FLNC: variants seen among roughly 807,000 people sequenced by gnomAD.
FLNC encodes the protein filamin-C.
Under a neutral mutation model 254.3 loss-of-function variants are expected in FLNC, and 91 were observed. The observed-to-expected ratio is 0.36, with a 90% confidence interval of 0.30 to 0.43. FLNC has a LOEUF of 0.43. Ranked by LOEUF, FLNC falls within the 20% of genes least tolerant of loss-of-function variation. The probability of loss-of-function intolerance (pLI) is 1.00; values close to 1 mark genes in which losing one functional copy is unlikely to be tolerated. For synonymous variants in FLNC, 1,430 were observed against 1,577.2 expected (o/e 0.91, Z 2.21); for missense variants, 2,853 against 3,802.6 (o/e 0.75, Z 6.57).
chr7:128,832,495 T>TTCAGCGGCCCC (rs1807933033), intron 1 of FLNC, among the ~76,000 whole-genome samples: 1 of 152,146 alleles, frequency 6.6e-6, no homozygotes, highest in Admixed American at 6.5e-5. Context: ...GCAAGACATA[T>TTCAGCGGCCCC]AGGAAACCGC....
rs575979368 is a variant in FLNC, at chr7:128,858,843, G to A, written c.*320G>A. ...GCCAGGGAAGCCCTGAGTTTCTGGCGGGGCTGAGCAGTGGGGGAGCATTGT... is the reference window on the plus strand; with the variant it reads ...GCCAGGGAAGCCCTGAGTTTCTGGCAGGGCTGAGCAGTGGGGGAGCATTGT... On this transcript the variant is annotated 3_prime_UTR_variant, in exon 48 of 48. Transcript: ENST00000325888. The surrounding 1 kb of genome is among the most constrained non-coding windows in gnomAD (Gnocchi z 6.7). 1.1e-5 allele frequency: 5 copies of A among 450,342 alleles called. No homozygotes were observed. The highest frequency in any genetic ancestry group is 3.5e-5 in the Admixed American group (1 of 28,866). 27.9% of individuals were successfully genotyped at this position (450,342 alleles called of 1,614,324 possible).
chr7:128,850,873 G>C lies in FLNC; in HGVS notation c.5469G>C (p.Thr1823=), dbSNP rs550620019. Residue 1823 remains threonine (T), a synonymous_variant, in exon 33 of 48, where the codon ACG becomes ACC. Transcript: ENST00000325888. ...CCGACAACAAGGACGGCACCATCAC[G>C]GTGAGGTATGCACCCACTGAGAAAG... The part of the protein sequence containing the change: ...NITDNKDGTI[T]VRYAPTEKGL... 2.5e-5 allele frequency: 40 copies of C among 1,613,562 alleles called. No individual in the cohort carries two copies. Among genetic ancestry groups the C allele is most frequent in the Non-Finnish European group, 3.1e-5 (36 of 1,179,990 alleles).
At position 128,852,771 on chromosome 7, in the gene FLNC, G is replaced by A. The variant is rs12530507; in HGVS notation, c.6004+19G>A. 26,849 of 1,613,312 alleles carry A rather than the reference G, an allele frequency of 0.017. 283 individuals carry two copies. Among genetic ancestry groups the A allele is most frequent in the Non-Finnish European group, 0.02 (23,969 of 1,179,764 alleles). ...CACATTGGTGAGCGTGGGGCCTCACGGGGACCTCAGGGGTGGGGGCCCACA... is the reference window on the plus strand; with the variant it reads ...CACATTGGTGAGCGTGGGGCCTCACAGGGACCTCAGGGGTGGGGGCCCACA... On this transcript the variant is annotated intron_variant, in intron 36 of 47. Transcript: ENST00000325888.
chr7:128,842,171 CCAGCAGAGG>C lies in FLNC; in HGVS notation c.2122-59_2122-51del. The C allele has an allele frequency of 6.4e-7, 1 of 1,572,680 alleles. No individual in the cohort carries two copies. The highest frequency in any genetic ancestry group is 1.4e-5 in the African/African-American group (1 of 74,034). ...AAGGAGGCGCTGGGTTCACCTGCGG[CCAGCAGAGG>C]GCGCTCTGCAGAGGCCACAGCTATG... On this transcript the variant is annotated intron_variant, in intron 13 of 47. Transcript: ENST00000325888. The surrounding 1 kb of genome is among the most constrained non-coding windows in gnomAD (Gnocchi z 5.4).
At chr7:128,850,316 C>T in intron 31 of FLNC, 68 bp from the exon 32 acceptor site, 1 of 1,300,612 alleles carries the variant, frequency 7.7e-7, no homozygotes, top group Non-Finnish European at 1.1e-6. Flanking sequence ...TCTCCAGCTT[C>T]AGTCATAGCA....
At chr7:128,847,131 C>T (rs1253461968) in intron 24 of FLNC, among the ~76,000 whole-genome samples, 1 of 152,256 alleles carries the variant, frequency 6.6e-6, no homozygotes, top group Non-Finnish European at 1.5e-5. Flanking sequence ...ACTCTGGCCT[C>T]CTAGCCCCTT....
Position 128,838,438 on chromosome 7 carries a change from G to A in FLNC, c.1210+9G>A. The A allele has an allele frequency of 6.2e-7, 1 of 1,613,688 alleles. No homozygotes were observed. Among genetic ancestry groups the A allele is most frequent in the Non-Finnish European group, 8.5e-7 (1 of 1,179,982 alleles). ...TGACATCTACACTGCGGGTAGGACG[G>A]GCCCCAGGGGGTGCAGGTGGAAAGC... On this transcript the variant is annotated intron_variant, in intron 7 of 47. Transcript: ENST00000325888.
rs989891820 is a variant in FLNC at position 128,856,099 on chromosome 7, T to A, written c.7252-419T>A. ...CAGAGCCCTTCTGTGCTTCTTCTGGTCCTCCCTGTTGGTCCACCTTCTCCA... is the reference window on the plus strand; with the variant it reads ...CAGAGCCCTTCTGTGCTTCTTCTGGACCTCCCTGTTGGTCCACCTTCTCCA... On this transcript the variant is annotated intron_variant, in intron 43 of 47. Transcript: ENST00000325888. The surrounding 1 kb of genome is among the most constrained non-coding windows in gnomAD (Gnocchi z 5.9). 1.3e-5 allele frequency among the ~76,000 whole-genome samples: 2 copies of A among 152,092 alleles called. No homozygotes were observed. Among genetic ancestry groups the A allele is most frequent in the Non-Finnish European group, 2.9e-5 (2 of 68,010 alleles).
In FLNC at chr7:128,857,828, C is replaced by T. The variant is rs1487918337; in HGVS notation, c.7781-180C>T. ...GGAGCACCAGTTGGAGCTGGCAGCT[C>T]AGGGCCCTGGCTGGGAATGAGGCTG... On this transcript the variant is annotated intron_variant, in intron 46 of 47. Coordinates refer to ENST00000325888, the MANE Select transcript of FLNC (RefSeq NM_001458.5). This position sits in a 1 kb window ranked among gnomAD's most constrained non-coding sequence, Gnocchi z 4.5. Among the ~76,000 whole-genome samples, 1 of 152,176 alleles carries T rather than the reference C, an allele frequency of 6.6e-6. No individual in the cohort carries two copies. Among genetic ancestry groups the T allele is most frequent in the Non-Finnish European group, 1.5e-5 (1 of 68,038 alleles).
In FLNC at chr7:128,842,736, G is replaced by A. The variant is rs1808389596; in HGVS notation, c.2389+38G>A. 4.4e-6 allele frequency: 7 copies of A among 1,588,812 alleles called. No individual in the cohort carries two copies. The highest frequency in any genetic ancestry group is 1.8e-5 in the Admixed American group (1 of 55,940). Reference sequence around the variant, plus strand: ...GGAAGGGGTGGGTCTGGGAGGGGGCGGGGGTGAGTCGAGTCGGGGGCTGAG... The same window carrying A: ...GGAAGGGGTGGGTCTGGGAGGGGGCAGGGGTGAGTCGAGTCGGGGGCTGAG... On this transcript the variant is annotated intron_variant, in intron 15 of 47. Coordinates refer to ENST00000325888, the MANE Select transcript of FLNC (RefSeq NM_001458.5). The surrounding 1 kb of genome is among the most constrained non-coding windows in gnomAD (Gnocchi z 5.4).
chr7:128,840,188 G>T, intron 9 of FLNC, 28 bp downstream of exon 9: 1 of 1,612,250 alleles, frequency 6.2e-7, no homozygotes, highest in Non-Finnish European at 8.5e-7. Flanking sequence ...GGGTCGTGAG[G>T]GTGGGGCTGG....
At position 128,842,783 on chromosome 7, in the gene FLNC, C is replaced by G; in HGVS notation, c.2390-11C>G. 1 of 1,613,228 alleles carries G rather than the reference C, an allele frequency of 6.2e-7. No homozygotes were observed. Among genetic ancestry groups the G allele is most frequent in the Non-Finnish European group, 8.5e-7 (1 of 1,179,890 alleles). ...TGAGCCCAACTCACAGCAGTGCCCGCTTCTCTGCAGGCGACGTGAGCATCG... is the reference window on the plus strand; with the variant it reads ...TGAGCCCAACTCACAGCAGTGCCCGGTTCTCTGCAGGCGACGTGAGCATCG... On this transcript the variant is annotated splice_polypyrimidine_tract_variant and intron_variant, in intron 15 of 47. Transcript: ENST00000325888. This position sits in a 1 kb window ranked among gnomAD's most constrained non-coding sequence, Gnocchi z 5.4.
intron 41 of FLNC, 34 bp downstream of exon 41, chr7:128,854,716 T>G (rs755639316): frequency 6.2e-7 from 1 of 1,612,708 alleles, no homozygotes; most frequent in East Asian, 2.2e-5. Context: ...GGGGATGAAG[T>G]CAGGGCAGCC....
Position 128,852,829 on chromosome 7 carries a change from G to C in FLNC, c.6006G>C (p.Gly2002=), listed in dbSNP as rs949178854. Reference sequence around the variant, plus strand: ...CTGCCTAACACCCACTTTCCACAGGGATCTCCTTCACCCCCAAGGAGGTCG... The same window carrying C: ...CTGCCTAACACCCACTTTCCACAGGCATCTCCTTCACCCCCAAGGAGGTCG... ...LLKRLPNRHI[G]ISFTPKEVGE... The change falls in exon 37 of 48, where the codon GGG becomes GGC. Residue 2002 remains glycine (G), a splice_region_variant and synonymous_variant. Coordinates refer to ENST00000325888, the MANE Select transcript of FLNC (RefSeq NM_001458.5). 1 of 1,613,844 alleles carries C rather than the reference G, an allele frequency of 6.2e-7. No individual in the cohort carries two copies. The highest frequency in any genetic ancestry group is 1.7e-5 in the Admixed American group (1 of 60,018).
At chr7:128,834,319 C>CA (rs1474857873) in intron 1 of FLNC, among the ~76,000 whole-genome samples, 4 of 150,636 alleles carry the variant, frequency 2.7e-5, no homozygotes, top group African/African-American at 7.4e-5. Context: ...GCGCCCCCCC[C>CA]CCCCAAATCT....
chr7:128,844,976 G>A lies in FLNC; in HGVS notation c.3511G>A (p.Gly1171Ser), dbSNP rs769490872. The change falls in exon 21 of 48, where the codon GGT becomes AGT. Residue 1171 changes from glycine (G) to serine (S), a missense_variant. This residue lies in a region of FLNC where 1,573 missense variants were observed against 1,883.5 expected (regional missense o/e 0.84). Transcript: ENST00000325888. Reference sequence around the variant, plus strand: ...ACCGGGCCTGGAGCGCGGCAAGGTCGGTGAGGCAGCCACCTTCACTGTGGA... The same window carrying A: ...ACCGGGCCTGGAGCGCGGCAAGGTCAGTGAGGCAGCCACCTTCACTGTGGA... ...SGPGLERGKVGEAATFTVDCS... is the reference protein window; with the variant it reads ...SGPGLERGKVSEAATFTVDCS... 6.8e-6 allele frequency: 11 copies of A among 1,613,706 alleles called. No homozygotes were observed. Among genetic ancestry groups the A allele is most frequent in the East Asian group, 2.2e-5 (1 of 44,902 alleles).
At position 128,846,018 on chromosome 7, in the gene FLNC, C is replaced by T; in HGVS notation, c.3819C>T (p.Phe1273=). The T allele has an allele frequency of 6.2e-7, 1 of 1,613,886 alleles. No homozygotes were observed. ...TCCTGCGGGAGGTGACCACTGAGTT[C>T]ACTGTGGATGCAAGATCCCTAACAG... ...HGVLREVTTE[F]TVDARSLTAT... Residue 1273 remains phenylalanine, a synonymous_variant, in exon 22 of 48, where the codon TTC becomes TTT. Transcript: ENST00000325888.
chr7:128,839,430 ATG>A (rs1221298560), intron 8 of FLNC, among the ~76,000 whole-genome samples: 1 of 151,988 alleles, frequency 6.6e-6, no homozygotes, highest in Non-Finnish European at 1.5e-5. Context: ...GTCCTGGAAT[ATG>A]TGTCGTGTCC....
At position 128,830,909 on chromosome 7, in the gene FLNC, A is replaced by G. The variant is rs886042565; in HGVS notation, c.272A>G (p.Asn91Ser). 34 of 1,612,946 alleles carry G rather than the reference A, an allele frequency of 2.1e-5. No homozygotes were observed. Among genetic ancestry groups the G allele is most frequent in the Non-Finnish European group, 2.8e-5 (33 of 1,179,942 alleles). ...RMYRKFHPRP[N>S]FRQMKLENVS... is the part of the protein sequence containing the mutation. ...TACCGCAAGTTCCATCCGCGCCCCA[A>G]CTTCCGCCAAATGAAGCTGGAGAAC... The change falls in exon 1 of 48, where the codon AAC becomes AGC. Residue 91 changes from asparagine to serine, a missense_variant. Physicochemically the swap from Asn to Ser is conservative, Grantham distance 46. Transcript: ENST00000325888.
Sources: gnomAD v4.1 joint callset for allele counts (sites outside exome capture counted in the v4.1 genomes callset) on GRCh38, gnomAD v4.1.1 for gene constraint, gnomAD v4.1.1 regional missense constraint, Gnocchi (gnomAD v3.1) non-coding constraint, MANE v1.5 for transcripts, NCBI Gene and HGNC (gene_info 2026-07-23, HGNC 2026-07-21) for gene names.